Variants in CSNK2A1 observed in about 807,000 individuals in gnomAD.
CSNK2A1 encodes the protein casein kinase II subunit alpha.
Under a neutral mutation model 62.9 loss-of-function variants are expected in CSNK2A1, and 10 were observed. That is an observed-to-expected ratio of 0.16 (90% CI 0.10 to 0.27). The LOEUF (loss-of-function observed/expected upper bound fraction) is 0.27. Ranked by LOEUF, CSNK2A1 falls within the 10% of genes least tolerant of loss-of-function variation. The pLI, the probability that CSNK2A1 is intolerant of heterozygous loss-of-function variation, is 1.00. For synonymous variants in CSNK2A1, 124 were observed against 167.8 expected, an observed-to-expected ratio of 0.74 and a Z score of 2.02; for missense variants, 160 against 492.0, an observed-to-expected ratio of 0.33 and a Z score of 6.38.
chr20:525,836 TAAAAAA>T (rs397864425), intron 2 of CSNK2A1, among the ~76,000 whole-genome samples: 3 of 71,040 alleles, frequency 4.2e-5, no homozygotes, highest in Non-Finnish European at 8.4e-5. Flanking sequence ...TTAAAACTAT[TAAAAAA>T]AAAAAAAAAA....
chr20:525,412 G>C (rs1001672374), intron 2 of CSNK2A1, among the ~76,000 whole-genome samples: 14 of 152,036 alleles, frequency 9.2e-5, no homozygotes, highest in Admixed American at 2.0e-4. Flanking sequence ...CAGCACTGTG[G>C]GAGGCTGAGG....
chr20:476,099 C>A lies in CSNK2A1; in HGVS notation c.*7862G>T, dbSNP rs1490053291. The A allele has an allele frequency of 6.6e-6, 1 of 152,280 alleles. No individual in the cohort carries two copies. Among genetic ancestry groups the A allele is most frequent in the African/African-American group, 2.4e-5 (1 of 41,454 alleles). 9.4% of individuals were successfully genotyped at this position (152,280 alleles called of 1,614,324 possible). On this transcript the variant is annotated 3_prime_UTR_variant, in exon 14 of 14. Transcript: ENST00000217244. ...AGCTGTGCAAAAGCAGCCCCACAAG[C>A]AAAATTGAGCCAGGAGACAGGGTTC...
rs1441439026 is a variant in CSNK2A1 at position 478,650 on chromosome 20, C to A, written c.*5311G>T. 2.3e-6 allele frequency: 1 copy of A among 433,394 alleles called. No homozygotes were observed. The highest frequency in any genetic ancestry group is 4.6e-6 in the Non-Finnish European group (1 of 217,602). The allele number at this position is 433,394 out of a possible 1,614,324, so 26.8% of individuals were successfully genotyped here. ...AGGCCAATAAGAATCCCTAGTGGGC[C>A]AGGTGTGGTGGCTCATGCCTCTAAT... On this transcript the variant is annotated 3_prime_UTR_variant, in exon 14 of 14. Coordinates refer to ENST00000217244, the MANE Select transcript of CSNK2A1 (RefSeq NM_177559.3).
intron 2 of CSNK2A1, among the ~76,000 whole-genome samples, chr20:511,888 G>A (rs1600395051): frequency 1.3e-5 from 2 of 152,148 alleles, no homozygotes; most frequent in African/African-American, 4.8e-5. Context: ...TGGAACTGCT[G>A]AACCATGTAG....
At chr20:518,713 ATTTTT>A (rs10534951) in intron 2 of CSNK2A1, among the ~76,000 whole-genome samples, 3 of 120,958 alleles carry the variant, frequency 2.5e-5, no homozygotes, top group African/African-American at 9.7e-5. Context: ...CGCCCGGCTA[ATTTTT>A]TTTTTTTTTT....
intron 2 of CSNK2A1, among the ~76,000 whole-genome samples, chr20:512,462 C>T (rs528913387): frequency 7.9e-5 from 12 of 152,226 alleles, no homozygotes; most frequent in African/African-American, 2.9e-4. Flanking sequence ...CTCATCTTTC[C>T]AAGGTAAGCT....
chr20:509,975 A>G (rs1046360052), intron 2 of CSNK2A1, among the ~76,000 whole-genome samples: 3 of 152,244 alleles, frequency 2.0e-5, no homozygotes, highest in Non-Finnish European at 2.9e-5. Context: ...TGTCCACAGC[A>G]TAAAAGACAA....
chr20:519,692 C>G (rs1426026542), intron 2 of CSNK2A1, among the ~76,000 whole-genome samples: 3 of 151,992 alleles, frequency 2.0e-5, no homozygotes, highest in African/African-American at 7.3e-5. Flanking sequence ...AAATAAATAG[C>G]CGCCAAATTA....
chr20:485,101 A>ATATATATATATAT (rs2018057838), intron 13 of CSNK2A1, among the ~76,000 whole-genome samples: 1 of 31,864 alleles, frequency 3.1e-5, no homozygotes, highest in Non-Finnish European at 6.2e-5. Flanking sequence ...AAAAAAAAAA[A>ATATATATATATAT]AAAAAAAAAT....
At chr20:516,442 G>C (rs2018830587) in intron 2 of CSNK2A1, among the ~76,000 whole-genome samples, 1 of 152,142 alleles carries the variant, frequency 6.6e-6, no homozygotes, top group Non-Finnish European at 1.5e-5. Flanking sequence ...GCATGGGTCT[G>C]CATGACCTAT....
At chr20:525,583 A>G (rs1367760653) in intron 2 of CSNK2A1, among the ~76,000 whole-genome samples, 42 of 149,966 alleles carry the variant, frequency 2.8e-4, no homozygotes, top group African/African-American at 9.8e-4. Flanking sequence ...CCCGGGAGGC[A>G]GAGCTTGCAG....
chr20:492,231 T>C (rs1233647402), intron 9 of CSNK2A1, 23 bp downstream of exon 9: 2 of 1,593,740 alleles, frequency 1.3e-6, no homozygotes, highest in South Asian at 2.2e-5. Flanking sequence ...GGATCAAAAC[T>C]GTGCCTGCCC....
chr20:488,568 C>T (rs2018150497), intron 11 of CSNK2A1, 110 bp downstream of exon 11: 2 of 1,102,074 alleles, frequency 1.8e-6, no homozygotes, highest in African/African-American at 1.6e-5. Flanking sequence ...GGACCACTGA[C>T]ATCCTGACAG....
At chr20:486,345 T>A (rs1279010068) in intron 13 of CSNK2A1, 31 bp downstream of exon 13, 1 of 1,612,910 alleles carries the variant, frequency 6.2e-7, no homozygotes, top group Non-Finnish European at 8.5e-7. Context: ...ACTTCCACAT[T>A]TTTTTAAAGA....
chr20:499,687 C>T lies in CSNK2A1; in HGVS notation c.315+146G>A. The T allele has an allele frequency of 1.4e-6, 1 of 723,456 alleles. No individual in the cohort carries two copies. The highest frequency in any genetic ancestry group is 2.4e-6 in the Non-Finnish European group (1 of 417,550). The allele number at this position is 723,456 out of a possible 1,614,324, so 44.8% of individuals were successfully genotyped here. A position where few individuals can be genotyped will look rare whatever the true frequency, so the allele number is the denominator to read the frequency against. The stretch of plus-strand genomic sequence containing the variant: ...GGTCTCTTTGAAAGAAAGACCCAAG[C>T]TAGTTAAATGGTATATCTGATTAAG... On this transcript the variant is annotated intron_variant, in intron 5 of 13. Coordinates refer to ENST00000217244, the MANE Select transcript of CSNK2A1 (RefSeq NM_177559.3). The surrounding 1 kb of genome is among the most constrained non-coding windows in gnomAD (Gnocchi z 4.2).
At chr20:522,294 A>G (rs975447805) in intron 2 of CSNK2A1, among the ~76,000 whole-genome samples, 2 of 152,250 alleles carry the variant, frequency 1.3e-5, no homozygotes, top group Non-Finnish European at 2.9e-5. Flanking sequence ...GCAACTCTAC[A>G]GTAGAAAAAC....
intron 3 of CSNK2A1, among the ~76,000 whole-genome samples, chr20:505,540 T>A (rs866351012): frequency 1.3e-5 from 2 of 151,698 alleles, no homozygotes; most frequent in Non-Finnish European, 1.5e-5. Context: ...TTTGAATTTT[T>A]AGTAGAGACG....
intron 1 of CSNK2A1, among the ~76,000 whole-genome samples, chr20:542,390 G>A (rs1458764677): frequency 6.6e-6 from 1 of 152,212 alleles, no homozygotes; most frequent in Non-Finnish European, 1.5e-5. Flanking sequence ...GCACTCCTCA[G>A]ATGGAATGAA....
rs1044528843 is a variant in CSNK2A1 at position 480,103 on chromosome 20, G to A, written c.*3858C>T. On this transcript the variant is annotated 3_prime_UTR_variant, in exon 14 of 14. Transcript: ENST00000217244. ...TAGTCTTCAGATACCTATTTATCAGGGTCTCATTAAATAAAGTTACTTGTC... is the reference window on the plus strand; with the variant it reads ...TAGTCTTCAGATACCTATTTATCAGAGTCTCATTAAATAAAGTTACTTGTC... 6.6e-6 allele frequency: 1 copy of A among 152,060 alleles called. No homozygotes were observed. Among genetic ancestry groups the A allele is most frequent in the African/African-American group, 2.4e-5 (1 of 41,374 alleles). 9.4% of individuals were successfully genotyped at this position (152,060 alleles called of 1,614,324 possible).
Sources: allele counts gnomAD v4.1 joint callset (sites outside exome capture counted in the v4.1 genomes callset), GRCh38; gene constraint gnomAD v4.1.1; non-coding constraint Gnocchi (gnomAD v3.1); transcripts MANE v1.5; gene names NCBI Gene and HGNC (gene_info 2026-07-23, HGNC 2026-07-21).